The following NALCN variants were observed in gnomAD, a reference collection of about 807,000 sequenced individuals.
NALCN encodes the protein sodium leak channel NALCN.
NALCN carries 111 observed loss-of-function variants against 225.3 expected under a neutral mutation model. That is an observed-to-expected ratio of 0.49 (90% CI 0.42 to 0.58). The LOEUF (loss-of-function observed/expected upper bound fraction) is 0.58, where lower values mean the gene tolerates loss of function less well. Among genes scored for constraint, NALCN ranks in the 20% least tolerant of loss-of-function variants. The pLI is 0.00. For synonymous variants in NALCN, 764 were observed against 769.0 expected, an observed-to-expected ratio of 0.99 and a Z score of 0.11; for missense variants, 1,378 against 2,202.4, an observed-to-expected ratio of 0.63 and a Z score of 7.49.
intron 43 of NALCN, 94 bp downstream of exon 43, chr13:101,057,845 A>C (rs929514750): frequency 2.1e-6 from 2 of 932,778 alleles, no homozygotes; most frequent in African/African-American, 3.2e-5. Flanking sequence ...GTAGATGCAG[A>C]CTTGCATTTT....
chr13:101,315,083 A>G (rs2139165789), intron 7 of NALCN, among the ~76,000 whole-genome samples: 1 of 152,352 alleles, frequency 6.6e-6, no homozygotes, highest in Non-Finnish European at 1.5e-5. Context: ...TATTTGTTTA[A>G]TTAATATGTT....
intron 9 of NALCN, among the ~76,000 whole-genome samples, chr13:101,287,981 A>G (rs1050456500): frequency 6.6e-6 from 1 of 152,254 alleles, no homozygotes; most frequent in Admixed American, 6.5e-5. Context: ...ACAGTAATGC[A>G]GAGAAAATCT....
chr13:101,233,392 G>A (rs939981200), intron 12 of NALCN, among the ~76,000 whole-genome samples: 2 of 149,738 alleles, frequency 1.3e-5, no homozygotes, highest in Non-Finnish European at 3.0e-5. Context: ...CCAGGCTGGA[G>A]AGCAGTGGCG....
chr13:101,081,731 TG>T (rs1273575578), intron 33 of NALCN, 85 bp from the exon 34 acceptor site: 3 of 1,498,570 alleles, frequency 2.0e-6, no homozygotes, highest in Non-Finnish European at 2.7e-6. Flanking sequence ...ATTATGTGTA[TG>T]TATTTTTTTC....
intron 15 of NALCN, among the ~76,000 whole-genome samples, chr13:101,161,344 G>A (rs993760205): frequency 2.6e-5 from 4 of 152,192 alleles, no homozygotes; most frequent in Non-Finnish European, 5.9e-5. Flanking sequence ...GTTGATGAAC[G>A]TTTCCCCCAA....
Position 101,176,368 on chromosome 13 carries a change from G to A in NALCN, c.1771C>T (p.Leu591=). The change falls in exon 15 of 44, where the codon CTG becomes TTG. Residue 591 remains leucine, a synonymous_variant. Transcript: ENST00000251127. ...AAAATAACAGCAACAAACAAACTCA[G>A]GAGGATCTATAAAATGGTGAAATAA... ...LYHLFATLIL[L]SLFVAVILDN... is the part of the protein sequence containing the mutation. 1 of 1,593,800 alleles carries A rather than the reference G, an allele frequency of 6.3e-7. No individual in the cohort carries two copies. The highest frequency in any genetic ancestry group is 2.3e-5 in the East Asian group (1 of 43,626).
chr13:101,335,106 TC>T (rs1404034785), intron 7 of NALCN, among the ~76,000 whole-genome samples: 1 of 152,208 alleles, frequency 6.6e-6, no homozygotes, highest in African/African-American at 2.4e-5. Context: ...CTTTATGCTC[TC>T]CAAAATTTAC....
intron 16 of NALCN, among the ~76,000 whole-genome samples, chr13:101,143,932 C>T (rs187900830): frequency 7.5e-4 from 114 of 152,208 alleles, no homozygotes; most frequent in Non-Finnish European, 1.4e-3. Context: ...CAAAGCATAA[C>T]GAAAATTCAA....
intron 1 of NALCN, among the ~76,000 whole-genome samples, chr13:101,410,549 T>G (rs1441070779): frequency 6.6e-6 from 1 of 152,242 alleles, no homozygotes; most frequent in Non-Finnish European, 1.5e-5. Context: ...AATTAAATTT[T>G]TGTTTTATAA....
chr13:101,253,230 A>G (rs1264055441), intron 11 of NALCN, among the ~76,000 whole-genome samples: 1 of 152,176 alleles, frequency 6.6e-6, no homozygotes, highest in African/African-American at 2.4e-5. Context: ...ATTAATCCAA[A>G]GTAACAAAAC....
chr13:101,132,324 G>T (rs1490539622), intron 17 of NALCN, among the ~76,000 whole-genome samples: 1 of 151,776 alleles, frequency 6.6e-6, no homozygotes, highest in African/African-American at 2.4e-5. Context: ...CTTCTTATTA[G>T]GTTTCTGATT....
intron 14 of NALCN, among the ~76,000 whole-genome samples, chr13:101,187,063 C>T (rs1342335817): frequency 6.6e-5 from 10 of 152,148 alleles, no homozygotes; most frequent in Admixed American, 4.6e-4. Context: ...CCCCCCTTAT[C>T]CACTGTCTCA....
chr13:101,250,148 A>G (rs1035902720), intron 11 of NALCN, among the ~76,000 whole-genome samples: 6 of 152,124 alleles, frequency 3.9e-5, no homozygotes, highest in African/African-American at 9.6e-5. Context: ...CATGAATGTA[A>G]CAAAAAATGT....
intron 34 of NALCN, among the ~76,000 whole-genome samples, chr13:101,079,195 A>G (rs1319476742): frequency 2.0e-5 from 3 of 152,166 alleles, no homozygotes; most frequent in African/African-American, 4.8e-5. Context: ...ACTAATACAA[A>G]TTTTATCTGG....
intron 15 of NALCN, among the ~76,000 whole-genome samples, chr13:101,152,212 C>T (rs1239531287): frequency 6.6e-6 from 1 of 152,146 alleles, no homozygotes; most frequent in Non-Finnish European, 1.5e-5. Context: ...TGATAGCTGA[C>T]ATCCAAAATG....
intron 7 of NALCN, among the ~76,000 whole-genome samples, chr13:101,320,110 C>T (rs554966196): frequency 6.0e-4 from 92 of 152,238 alleles, no homozygotes; most frequent in African/African-American, 2.1e-3. Context: ...TGCCTATTAG[C>T]ACAGAATGAA....
chr13:101,094,157 CA>C (rs2034380579), intron 28 of NALCN, among the ~76,000 whole-genome samples: 1 of 152,174 alleles, frequency 6.6e-6, no homozygotes. Context: ...TACCCTTTCC[CA>C]GCACAAAGCC....
intron 13 of NALCN, among the ~76,000 whole-genome samples, chr13:101,208,471 G>A (rs1226394124): frequency 1.3e-5 from 2 of 152,246 alleles, no homozygotes; most frequent in Non-Finnish European, 2.9e-5. Context: ...CACAGTATGA[G>A]AGGGCTTTAG....
intron 13 of NALCN, among the ~76,000 whole-genome samples, chr13:101,206,727 A>AAT (rs3062610): frequency 0.027 from 3,949 of 147,046 alleles, 82 homozygotes; most frequent in African/African-American, 0.053. Context: ...AGGTTTTTTA[A>AAT]ATATATATAT....
Sources: allele counts gnomAD v4.1 joint callset (sites outside exome capture counted in the v4.1 genomes callset), GRCh38; gene constraint gnomAD v4.1.1; transcripts MANE v1.5; gene names NCBI Gene and HGNC (gene_info 2026-07-23, HGNC 2026-07-21).